Variants in PRKN observed in about 807,000 individuals in gnomAD.
The protein encoded by PRKN is parkin RBR E3 ubiquitin protein ligase.
PRKN carries 56 observed loss-of-function variants against 59.5 expected under a neutral mutation model. The observed-to-expected ratio is 0.94, with a 90% CI of 0.76 to 1.18. The LOEUF is 1.18. Ranked by LOEUF, PRKN falls within the 50% of genes most tolerant of loss-of-function variation. The pLI is 0.00. For synonymous variants in PRKN, 250 were observed against 222.1 expected, an observed-to-expected ratio of 1.13 and a Z score of -1.12; for missense variants, 657 against 596.4, an observed-to-expected ratio of 1.10 and a Z score of -1.06.
chr6:162,019,816 C>T lies in PRKN; in HGVS notation c.618+34275G>A, dbSNP rs190783104. 3.0e-4 allele frequency among the ~76,000 whole-genome samples: 45 copies of T among 152,116 alleles called. No individual in the cohort carries two copies. The Middle Eastern group carries it at 0.01, about 34-fold the overall frequency. The stretch of plus-strand genomic sequence containing the variant: ...GGTGGATCACCTGAGGTCAGGAGCT[C>T]GAGACCAGCCTGGCCAACATGGTGA... On this transcript the variant is annotated intron_variant, in intron 5 of 11. Coordinates refer to ENST00000366898, the MANE Select transcript of PRKN (RefSeq NM_004562.3).
At chr6:162,697,805 AT>A (rs1165333581) in intron 1 of PRKN, among the ~76,000 whole-genome samples, 8 of 152,234 alleles carry the variant, frequency 5.3e-5, no homozygotes. Flanking sequence ...AGGAGTATTT[AT>A]TAAAAGTAAA....
At chr6:162,467,712 C>T (rs1043720689) in intron 1 of PRKN, among the ~76,000 whole-genome samples, 1 of 151,490 alleles carries the variant, frequency 6.6e-6, no homozygotes, top group Admixed American at 6.6e-5. Flanking sequence ...GCCTCAATGG[C>T]CTTCTATTGT....
chr6:162,460,995 G>A (rs1791126859), intron 1 of PRKN, among the ~76,000 whole-genome samples: 1 of 152,006 alleles, frequency 6.6e-6, no homozygotes, highest in African/African-American at 2.4e-5. Flanking sequence ...CTAATTGCTG[G>A]TGACATTAAA....
chr6:161,863,337 G>T (rs76481330), intron 6 of PRKN, among the ~76,000 whole-genome samples: 114 of 143,292 alleles, frequency 8.0e-4, no homozygotes, highest in Non-Finnish European at 1.5e-3. Flanking sequence ...AAAAAAAAAA[G>T]GGAAAAAACA....
intron 5 of PRKN, among the ~76,000 whole-genome samples, chr6:162,000,047 G>A (rs917295612): frequency 5.3e-5 from 8 of 152,080 alleles, no homozygotes; most frequent in African/African-American, 1.7e-4. Context: ...TCCATCTACT[G>A]AAGGACATCT....
intron 1 of PRKN, among the ~76,000 whole-genome samples, chr6:162,563,227 C>A (rs1259099517): frequency 6.6e-6 from 1 of 151,988 alleles, no homozygotes; most frequent in Non-Finnish European, 1.5e-5. Flanking sequence ...TGGCGTGAAC[C>A]CAGGAGGCGG....
intron 2 of PRKN, among the ~76,000 whole-genome samples, chr6:162,334,484 G>A (rs774835481): frequency 6.6e-6 from 1 of 152,156 alleles, no homozygotes; most frequent in Non-Finnish European, 1.5e-5. Flanking sequence ...CAGCACATCT[G>A]TTTACAGTGT....
intron 1 of PRKN, among the ~76,000 whole-genome samples, chr6:162,532,861 T>A (rs34141091): frequency 0.094 from 14,293 of 152,260 alleles, 764 homozygotes; most frequent in Middle Eastern, 0.18. Context: ...GGGGGGATAC[T>A]GTAAACTCAG....
At chr6:162,679,150 A>C (rs769758905) in intron 1 of PRKN, among the ~76,000 whole-genome samples, 1 of 151,114 alleles carries the variant, frequency 6.6e-6, no homozygotes. Flanking sequence ...CCCAGGCTGG[A>C]GTGCAATGGT....
chr6:162,306,337 G>C (rs1407650429), intron 2 of PRKN, among the ~76,000 whole-genome samples: 2 of 152,176 alleles, frequency 1.3e-5, no homozygotes, highest in Non-Finnish European at 2.9e-5. Context: ...CCTCTCTGTG[G>C]AGGCCACTTT....
chr6:161,991,389 A>G (rs1781640386), intron 5 of PRKN, among the ~76,000 whole-genome samples: 1 of 152,226 alleles, frequency 6.6e-6, no homozygotes, highest in Non-Finnish European at 1.5e-5. Flanking sequence ...CCACAATGAT[A>G]AACAACAAAA....
intron 5 of PRKN, among the ~76,000 whole-genome samples, chr6:162,036,248 C>A (rs572820403): frequency 6.6e-6 from 1 of 151,612 alleles, no homozygotes; most frequent in Non-Finnish European, 1.5e-5. Flanking sequence ...GGCGTGAACC[C>A]GGGAGGCGGA....
intron 2 of PRKN, among the ~76,000 whole-genome samples, chr6:162,368,193 G>C (rs1442854910): frequency 6.6e-6 from 1 of 152,142 alleles, no homozygotes; most frequent in Non-Finnish European, 1.5e-5. Context: ...GGAGAACAGG[G>C]AATCACTCTC....
chr6:162,432,055 A>C (rs530962687), intron 2 of PRKN, among the ~76,000 whole-genome samples: 50 of 152,302 alleles, frequency 3.3e-4, no homozygotes, highest in African/African-American at 1.2e-3. Flanking sequence ...AATCTTTAAA[A>C]ATTTCCAATT....
chr6:162,440,449 C>A (rs1404198034), intron 2 of PRKN, among the ~76,000 whole-genome samples: 1 of 152,140 alleles, frequency 6.6e-6, no homozygotes, highest in African/African-American at 2.4e-5. Flanking sequence ...GAAGGTGAAA[C>A]TAAGTGTGAG....
chr6:161,898,026 T>C (rs1180292472), intron 6 of PRKN, among the ~76,000 whole-genome samples: 1 of 149,718 alleles, frequency 6.7e-6, no homozygotes, highest in Non-Finnish European at 1.5e-5. Flanking sequence ...ATCTGCTACA[T>C]CTTCAATTAA....
At chr6:162,515,373 G>A (rs1017858796) in intron 1 of PRKN, among the ~76,000 whole-genome samples, 4 of 152,152 alleles carry the variant, frequency 2.6e-5, no homozygotes, top group African/African-American at 4.8e-5. Context: ...ATGAGCCACC[G>A]CACCTGGTGA....
chr6:162,241,157 C>A (rs1027338792), intron 3 of PRKN, among the ~76,000 whole-genome samples: 6 of 152,020 alleles, frequency 3.9e-5, no homozygotes, highest in African/African-American at 1.4e-4. Flanking sequence ...TTTTATGATG[C>A]CTTTACAATT....
intron 6 of PRKN, among the ~76,000 whole-genome samples, chr6:161,952,081 T>C (rs1780010869): frequency 1.3e-5 from 2 of 152,150 alleles, no homozygotes; most frequent in South Asian, 2.1e-4. Context: ...TAAGTTAAAA[T>C]TGATGCCATA....
Sources: gnomAD v4.1 joint callset for allele counts (sites outside exome capture counted in the v4.1 genomes callset) on GRCh38, gnomAD v4.1.1 for gene constraint, MANE v1.5 for transcripts, NCBI Gene and HGNC (gene_info 2026-07-23, HGNC 2026-07-21) for gene names.